Variants in CERKL observed in about 807,000 individuals in gnomAD.
CERKL encodes CERK like autophagy regulator.
A neutral mutation model predicts 63.4 loss-of-function variants in CERKL; 61 were observed. That is an observed-to-expected ratio of 0.96 (90% CI 0.78 to 1.19). The LOEUF is 1.19. CERKL is among the 50% of genes most tolerant of loss of function. The pLI is 0.00. For synonymous variants in CERKL, 250 were observed against 230.5 expected, an observed-to-expected ratio of 1.08 and a Z score of -0.77; for missense variants, 675 against 655.5, an observed-to-expected ratio of 1.03 and a Z score of -0.33.
chr2:181,632,472 A>G (rs1276730029), intron 1 of CERKL, among the ~76,000 whole-genome samples: 1 of 152,206 alleles, frequency 6.6e-6, no homozygotes, highest in Non-Finnish European at 1.5e-5. Context: ...GCTATTCTTC[A>G]ATTTCCGATG....
At chr2:181,598,497 A>G (rs1193368906) in intron 2 of CERKL, among the ~76,000 whole-genome samples, 1 of 151,870 alleles carries the variant, frequency 6.6e-6, no homozygotes, top group Non-Finnish European at 1.5e-5. Context: ...GCACACACCA[A>G]CAGAATCTCT....
intron 1 of CERKL, among the ~76,000 whole-genome samples, chr2:181,620,467 A>G (rs187947689): frequency 3.9e-5 from 6 of 152,300 alleles, no homozygotes; most frequent in African/African-American, 1.4e-4. Context: ...CCATTCAGTT[A>G]TCCCCTCAAT....
intron 1 of CERKL, among the ~76,000 whole-genome samples, chr2:181,646,614 C>G (rs985531978): frequency 6.6e-6 from 1 of 152,172 alleles, no homozygotes; most frequent in African/African-American, 2.4e-5. Context: ...AACAGCAGAT[C>G]AGACCACAGT....
chr2:181,584,463 G>A (rs1684673061), intron 2 of CERKL, among the ~76,000 whole-genome samples: 1 of 151,908 alleles, frequency 6.6e-6, no homozygotes, highest in Non-Finnish European at 1.5e-5. Flanking sequence ...CATGAGCTAT[G>A]GTCACACCAT....
intron 1 of CERKL, among the ~76,000 whole-genome samples, chr2:181,634,849 A>G (rs775835591): frequency 1.3e-5 from 2 of 152,200 alleles, no homozygotes; most frequent in Non-Finnish European, 2.9e-5. Context: ...AAAGCAACAC[A>G]TAACTTAGTA....
intron 2 of CERKL, among the ~76,000 whole-genome samples, chr2:181,577,391 C>A (rs1027567337): frequency 1.3e-5 from 2 of 151,978 alleles, no homozygotes; most frequent in South Asian, 2.1e-4. Context: ...GAATTATGGT[C>A]TCAAAATTTA....
rs200701000 is a variant in CERKL, at chr2:181,537,369, C to A, written c.*815G>T. ...AGGCCTCTCAGATACAAGGGGAACA[C>A]AATTACATATTGGGCTAGATTTTGC... On this transcript the variant is annotated 3_prime_UTR_variant, in exon 13 of 13. Transcript: ENST00000410087. 13 of 453,664 alleles carry A rather than the reference C, an allele frequency of 2.9e-5. No individual in the cohort carries two copies. Among genetic ancestry groups the A allele is most frequent in the African/African-American group, 2.6e-4 (13 of 49,968 alleles). 28.1% of individuals were successfully genotyped at this position (453,664 alleles called of 1,614,324 possible).
At chr2:181,626,229 A>C (rs1447279672) in intron 1 of CERKL, among the ~76,000 whole-genome samples, 1 of 152,124 alleles carries the variant, frequency 6.6e-6, no homozygotes, top group Non-Finnish European at 1.5e-5. Context: ...ACTTTTTTTG[A>C]TGGATCTCTG....
intron 1 of CERKL, among the ~76,000 whole-genome samples, chr2:181,634,756 C>T (rs1687103329): frequency 6.6e-6 from 1 of 152,112 alleles, no homozygotes; most frequent in African/African-American, 2.4e-5. Context: ...AAGAACTCTT[C>T]ACTTCAAAAT....
intron 1 of CERKL, chr2:181,617,366 G>C (rs1686243734): frequency 6.6e-6 from 1 of 152,158 alleles, no homozygotes. Context: ...TTACTTGAAA[G>C]ATCAACTGAC....
chr2:181,616,562 T>C (rs1686208042), intron 1 of CERKL, among the ~76,000 whole-genome samples: 1 of 152,136 alleles, frequency 6.6e-6, no homozygotes, highest in African/African-American at 2.4e-5. Context: ...ATGCTAATCT[T>C]TAATACCTAT....
chr2:181,656,973 C>G lies in CERKL; in HGVS notation c.34G>C (p.Ala12Pro). Reference sequence around the variant, plus strand: ...TCTTCCTCCCGGCCGCCCTCCAGGGCACTCACCCGGTTCCTGCGCCTCCTC... The same window carrying G: ...TCTTCCTCCCGGCCGCCCTCCAGGGGACTCACCCGGTTCCTGCGCCTCCTC... ...PWRRRRNRVSALEGGREEEAP... is the reference protein window; with the variant it reads ...PWRRRRNRVSPLEGGREEEAP... Residue 12 changes from alanine (A) to proline (P), a missense_variant, in exon 1 of 13, where the codon GCC (alanine) becomes CCC (proline). Coordinates refer to ENST00000410087, the MANE Select transcript of CERKL (RefSeq NM_201548.5). The G allele has an allele frequency of 6.3e-7, 1 of 1,584,548 alleles. No individual in the cohort carries two copies. Among genetic ancestry groups the G allele is most frequent in the Non-Finnish European group, 8.6e-7 (1 of 1,168,714 alleles).
At chr2:181,607,278 T>C (rs1424261220) in intron 1 of CERKL, among the ~76,000 whole-genome samples, 4 of 152,246 alleles carry the variant, frequency 2.6e-5, no homozygotes, top group Non-Finnish European at 5.9e-5. Flanking sequence ...AATGCTACTT[T>C]AACACATTTT....
chr2:181,577,344 G>A (rs574646458), intron 2 of CERKL, among the ~76,000 whole-genome samples: 1 of 152,314 alleles, frequency 6.6e-6, no homozygotes, highest in Non-Finnish European at 1.5e-5. Flanking sequence ...CTAATGGATT[G>A]AGCTTCAACA....
Position 181,547,601 on chromosome 2 carries a change from TA to T in CERKL, c.1268+16del, listed in dbSNP as rs778961980. The stretch of plus-strand genomic sequence containing the variant: ...TATAAGAAATGTATCAACAATTCAA[TA>T]AAAATGCTTACTAACCTGGTATTAG... On this transcript the variant is annotated intron_variant, in intron 10 of 12. Transcript: ENST00000410087. 2.5e-5 allele frequency: 40 copies of T among 1,604,700 alleles called. No homozygotes were observed. The highest frequency in any genetic ancestry group is 3.4e-5 in the Non-Finnish European group (40 of 1,171,722).
chr2:181,591,791 C>T (rs1220066359), intron 2 of CERKL, among the ~76,000 whole-genome samples: 1 of 152,126 alleles, frequency 6.6e-6, no homozygotes, highest in Non-Finnish European at 1.5e-5. Flanking sequence ...TATGTCCTAA[C>T]TCCGTCAGCT....
At chr2:181,568,498 T>A (rs1688756920) in intron 3 of CERKL, among the ~76,000 whole-genome samples, 1 of 152,116 alleles carries the variant, frequency 6.6e-6, no homozygotes, top group Non-Finnish European at 1.5e-5. Context: ...ATTCCTCCAT[T>A]TCTCCCAGCT....
chr2:181,639,114 A>G (rs528844996), intron 1 of CERKL, among the ~76,000 whole-genome samples: 10 of 152,362 alleles, frequency 6.6e-5, no homozygotes, highest in African/African-American at 2.4e-4. Flanking sequence ...TCTGGACACT[A>G]ACTGGATATG....
chr2:181,598,496 A>C (rs1685318305), intron 2 of CERKL, among the ~76,000 whole-genome samples: 1 of 151,768 alleles, frequency 6.6e-6, no homozygotes, highest in South Asian at 2.1e-4. Flanking sequence ...GGCACACACC[A>C]ACAGAATCTC....
Sources: allele counts gnomAD v4.1 joint callset (sites outside exome capture counted in the v4.1 genomes callset), GRCh38; gene constraint gnomAD v4.1.1; transcripts MANE v1.5; gene names NCBI Gene and HGNC (gene_info 2026-07-23, HGNC 2026-07-21).